Variants in GATAD1 observed in about 807,000 individuals in gnomAD.
GATAD1 encodes the protein GATA zinc finger domain-containing protein 1.
A neutral mutation model predicts 26.5 loss-of-function variants in GATAD1; 12 were observed. The observed-to-expected ratio is 0.45, with a 90% CI of 0.29 to 0.73. The LOEUF (loss-of-function observed/expected upper bound fraction) is 0.73, where lower values mean the gene tolerates loss of function less well. Among genes scored for constraint, GATAD1 ranks in the 30% least tolerant of loss-of-function variants. The probability of loss-of-function intolerance (pLI) is 0.10; values close to 1 mark genes in which losing one functional copy is unlikely to be tolerated. For synonymous variants in GATAD1, 129 were observed against 133.1 expected (o/e 0.97, Z 0.21); for missense variants, 266 against 342.1 (o/e 0.78, Z 1.75).
chr7:92,451,110 C>T (rs1318674051), intron 3 of GATAD1, among the ~76,000 whole-genome samples: 1 of 152,088 alleles, frequency 6.6e-6, no homozygotes, highest in East Asian at 1.9e-4. Context: ...AGGACAGAGA[C>T]AGGATTTGGA....
rs904402772 is a variant in GATAD1 at position 92,447,989 on chromosome 7, C to T, written c.249+11C>T. 1 of 1,213,598 alleles carries T rather than the reference C, an allele frequency of 8.2e-7. No individual in the cohort carries two copies. Among genetic ancestry groups the T allele is most frequent in the Non-Finnish European group, 1.0e-6 (1 of 976,524 alleles). The allele number at this position is 1,213,598 out of a possible 1,614,324, so 75.2% of individuals were successfully genotyped here. On this transcript the variant is annotated intron_variant, in intron 1 of 4. Transcript: ENST00000287957. Reference sequence around the variant, plus strand: ...GGGGGCGGCAAGCAGGTGAGCTCCTCCGGCCCCTCCCGCCGGCGGAGGCCG... The same window carrying T: ...GGGGGCGGCAAGCAGGTGAGCTCCTTCGGCCCCTCCCGCCGGCGGAGGCCG...
the GATAD1 span, chr7:92,492,823 G>A: frequency 1.3e-6 from 1 of 759,260 alleles, no homozygotes; most frequent in African/African-American, 1.7e-5. Flanking sequence ...TTCAACTAAA[G>A]GTAAATTTAT....
chr7:92,468,082 C>A, the GATAD1 span, among the ~76,000 whole-genome samples: 1 of 152,142 alleles, frequency 6.6e-6, no homozygotes, highest in African/African-American at 2.4e-5. Context: ...TTGGGCCATG[C>A]GGTGAGTGTT....
the GATAD1 span, chr7:92,491,284 G>A: frequency 2.4e-4 from 388 of 1,600,220 alleles, 2 homozygotes; most frequent in African/African-American, 4.4e-3. Context: ...AATCAGAAGA[G>A]GTTCCATTTC....
At chr7:92,492,576 C>T in the GATAD1 span, among the ~76,000 whole-genome samples, 1 of 152,170 alleles carries the variant, frequency 6.6e-6, no homozygotes, top group South Asian at 2.1e-4. Flanking sequence ...CAGATTGGAA[C>T]AATGTGAGCT....
chr7:92,447,753 C>G lies in GATAD1; in HGVS notation c.24C>G (p.Thr8=). The change falls in exon 1 of 5, where the codon ACC becomes ACG. Residue 8 remains threonine (T), a synonymous_variant. Transcript: ENST00000287957. MPLGLKP[T]CSVCKTTSSS... is the part of the protein sequence containing the mutation. ...CCATGCCGCTGGGCCTGAAGCCCAC[C>G]TGCAGCGTATGCAAGACCACGTCGT... 1 of 1,498,028 alleles carries G rather than the reference C, an allele frequency of 6.7e-7. No homozygotes were observed. The highest frequency in any genetic ancestry group is 8.9e-7 in the Non-Finnish European group (1 of 1,123,206). 92.8% of individuals were successfully genotyped at this position (1,498,028 alleles called of 1,614,324 possible).
At chr7:92,472,393 A>G in the GATAD1 span, 1 of 152,204 alleles carries the variant, frequency 6.6e-6, no homozygotes, top group Non-Finnish European at 1.5e-5. Context: ...ACCCGTAAAC[A>G]ATGAGGTCAA....
chr7:92,480,460 A>G, the GATAD1 span, among the ~76,000 whole-genome samples: 4 of 152,206 alleles, frequency 2.6e-5, no homozygotes, highest in African/African-American at 9.6e-5. Flanking sequence ...CAGATGGAAC[A>G]CTGAGAAGTG....
intron 3 of GATAD1, among the ~76,000 whole-genome samples, chr7:92,452,906 G>C (rs961170603): frequency 1.3e-5 from 2 of 152,058 alleles, no homozygotes; most frequent in Non-Finnish European, 2.9e-5. Flanking sequence ...TTAGAATTTG[G>C]GAATATTGAT....
At chr7:92,472,271 G>A in the GATAD1 span, 1 of 152,210 alleles carries the variant, frequency 6.6e-6, no homozygotes, top group Non-Finnish European at 1.5e-5. Context: ...ACAGCCACAA[G>A]TCTCCTTTAG....
At position 92,456,579 on chromosome 7, in the gene GATAD1, G is replaced by A; in HGVS notation, c.*17G>A. ...CATTTGTAGTTCACAAATTAAAACT[G>A]GGTTTCCAGGCCTGGTGTGGTGGCT... On this transcript the variant is annotated 3_prime_UTR_variant, in exon 5 of 5. Transcript: ENST00000287957. The A allele has an allele frequency of 1.3e-6, 2 of 1,576,786 alleles. No homozygotes were observed. The highest frequency in any genetic ancestry group is 1.7e-5 in the Admixed American group (1 of 58,856).
the GATAD1 span, chr7:92,475,315 AG>A: frequency 6.6e-6 from 1 of 152,202 alleles, no homozygotes; most frequent in Admixed American, 6.5e-5. Flanking sequence ...ATCTGAAAAA[AG>A]AACATAGGGA....
At chr7:92,449,090 A>G (rs1789305052) in intron 2 of GATAD1, 3 of 1,134,724 alleles carry the variant, frequency 2.6e-6, no homozygotes, top group Admixed American at 3.5e-5. Context: ...TTTGTTTTTT[A>G]GCTTTTATTT....
chr7:92,449,272 A>G, intron 2 of GATAD1: 7 of 784,812 alleles, frequency 8.9e-6, no homozygotes, highest in Non-Finnish European at 1.1e-5. Flanking sequence ...TATTAACACT[A>G]GAACTCATCA....
chr7:92,447,803 A>G lies in GATAD1; in HGVS notation c.74A>G (p.Gln25Arg). 6.7e-7 allele frequency: 1 copy of G among 1,493,732 alleles called. No homozygotes were observed. The highest frequency in any genetic ancestry group is 8.9e-7 in the Non-Finnish European group (1 of 1,121,088). The allele number at this position is 1,493,732 out of a possible 1,614,324, so 92.5% of individuals were successfully genotyped here. A position where few individuals can be genotyped will look rare whatever the true frequency, so the allele number is the denominator to read the frequency against. Reference protein sequence around the residue: ...TSSSMWKKGAQGEILCHHCTG... With the variant: ...TSSSMWKKGARGEILCHHCTG... ...TCCTCCATGTGGAAGAAGGGAGCGC[A>G]GGGGGAGATCCTCTGCCATCATTGC... Residue 25 changes from glutamine to arginine, a missense_variant, in exon 1 of 5, where the codon CAG (glutamine) becomes CGG (arginine). Physicochemically the swap from Gln to Arg is conservative, Grantham distance 43 (BLOSUM62 1). Coordinates refer to ENST00000287957, the MANE Select transcript of GATAD1 (RefSeq NM_021167.5).
chr7:92,447,836 GGGGCGGCGC>G lies in GATAD1; in HGVS notation c.112_120del (p.Gly38_Gly40del), dbSNP rs1010099230. 7 of 1,411,072 alleles carry G rather than the reference GGGGCGGCGC, an allele frequency of 5.0e-6. No homozygotes were observed. The East Asian group carries it at 1.2e-4, about 25-fold the overall frequency. 87.4% of individuals were successfully genotyped at this position (1,411,072 alleles called of 1,614,324 possible). On this transcript the variant is annotated inframe_deletion, in exon 1 of 5. Transcript: ENST00000287957. ...ATCCTCTGCCATCATTGCACTGGCC[GGGGCGGCGC>G]GGGCAGCGGGGGCGCAGGCTCGGGG...
At chr7:92,494,494 G>C in the GATAD1 span, 11 of 1,613,552 alleles carry the variant, frequency 6.8e-6, no homozygotes, top group Non-Finnish European at 9.3e-6. Flanking sequence ...TACCCTGTAA[G>C]CCTTCTACTC....
downstream of GATAD1, among the ~76,000 whole-genome samples, chr7:92,460,473 G>A (rs946937938): frequency 5.3e-5 from 8 of 152,142 alleles, no homozygotes; most frequent in Non-Finnish European, 8.8e-5. Context: ...TAATTATTGG[G>A]TCAGATGCAT....
rs1186464069 is a variant in GATAD1 at position 92,457,663 on chromosome 7, ATATT to A, written c.*1102_*1105del. ...GATTGTATTTTTCTATAAGAACAAAATATTAATTAAGGTATAGATGACTGACCAA... is the reference window on the plus strand; with the variant it reads ...GATTGTATTTTTCTATAAGAACAAAAAATTAAGGTATAGATGACTGACCAA... On this transcript the variant is annotated 3_prime_UTR_variant, in exon 5 of 5. Transcript: ENST00000287957. 2 of 152,236 alleles carry A rather than the reference ATATT, an allele frequency of 1.3e-5. No homozygotes were observed. The highest frequency in any genetic ancestry group is 4.8e-5 in the African/African-American group (2 of 41,466). 9.4% of individuals were successfully genotyped at this position (152,236 alleles called of 1,614,324 possible).
Sources: gnomAD v4.1 joint callset for allele counts (sites outside exome capture counted in the v4.1 genomes callset) on GRCh38, gnomAD v4.1.1 for gene constraint, MANE v1.5 for transcripts, NCBI Gene and HGNC (gene_info 2026-07-23, HGNC 2026-07-21) for gene names.